Variants in NKX3-2 observed in about 807,000 individuals in gnomAD.
NKX3-2 encodes homeobox protein Nkx-3.2.
In NKX3-2, 13 loss-of-function variants were observed where a neutral mutation model predicts 19.4. That is an observed-to-expected ratio of 0.67 (90% CI 0.44 to 1.07). The LOEUF (loss-of-function observed/expected upper bound fraction) is 1.07, where lower values mean the gene tolerates loss of function less well. NKX3-2 is among the 50% of genes least tolerant of loss of function. NKX3-2 has a pLI of 0.00. For missense variants in NKX3-2, 562 were observed against 488.2 expected (o/e 1.15, Z -1.42); for synonymous variants, 269 against 230.5 (o/e 1.17, Z -1.51).
At position 13,543,976 on chromosome 4, in the gene NKX3-2, C is replaced by A. The variant is rs370578004; in HGVS notation, c.439G>T (p.Asp147Tyr). 7 of 1,555,174 alleles carry A rather than the reference C, an allele frequency of 4.5e-6. No homozygotes were observed. The highest frequency in any genetic ancestry group is 1.4e-5 in the African/African-American group (1 of 71,480). Residue 147 changes from aspartate (D) to tyrosine (Y), a missense_variant, in exon 1 of 2, where the codon GAC becomes TAC. Coordinates refer to ENST00000382438, the MANE Select transcript of NKX3-2 (RefSeq NM_001189.4). The surrounding 1 kb of genome is among the most constrained non-coding windows in gnomAD (Gnocchi z 7.1). ...GAGACGCTGGCGGACATCTCGCTGT[C>A]GCTCCGGCCCGCGGCTTCCTCCTCT... ...DLEEEAAGRSDSEMSASVSGD... is the reference protein window; with the variant it reads ...DLEEEAAGRSYSEMSASVSGD...
In NKX3-2 at chr4:13,542,522, C is replaced by T. The variant is rs762739841; in HGVS notation, c.473G>A (p.Arg158His). Reference protein sequence around the residue: ...SEMSASVSGDRSPRTEDDGVG... With the variant: ...SEMSASVSGDHSPRTEDDGVG... ...ACCGTCGTCCTCGGTCCTTGGGCTG[C>T]GGTCGCCTGCGGACCCCGGTGGGAA... The change falls in exon 2 of 2, where the codon CGC becomes CAC. Residue 158 changes from arginine to histidine, a missense_variant. Arg to His is a conservative substitution (Grantham distance 29). Coordinates refer to ENST00000382438, the MANE Select transcript of NKX3-2 (RefSeq NM_001189.4). The surrounding 1 kb of genome is among the most constrained non-coding windows in gnomAD (Gnocchi z 6.4). 1.9e-6 allele frequency: 3 copies of T among 1,596,438 alleles called. No homozygotes were observed. Among genetic ancestry groups the T allele is most frequent in the Middle Eastern group, 2.3e-4 (1 of 4,440 alleles).
In NKX3-2 at chr4:13,542,364, C is replaced by T. The variant is rs762943884; in HGVS notation, c.631G>A (p.Ala211Thr). The T allele has an allele frequency of 6.6e-7, 1 of 1,524,544 alleles. No individual in the cohort carries two copies. 94.4% of individuals were successfully genotyped at this position (1,524,544 alleles called of 1,614,324 possible). ...AAGACCTGCGCGTGGGAGAAAGCGG[C>T]CCGCGAGCGCTTCTTGCGTGGCTTG... ...APKPRKKRSR[A>T]AFSHAQVFEL... The change falls in exon 2 of 2, where the codon GCC becomes ACC. Residue 211 changes from alanine to threonine, a missense_variant. Physicochemically the swap from Ala to Thr is moderately conservative, Grantham distance 58. Transcript: ENST00000382438. The surrounding 1 kb of genome is among the most constrained non-coding windows in gnomAD (Gnocchi z 6.4).
rs1343665333 is a variant in NKX3-2, at chr4:13,544,434, G to T, written c.-20C>A. ...AGCCATCTGCGCCGCGGGCAGGAGC[G>T]GCCGGCGGGGCGGGCAGCTGGGGCG... On this transcript the variant is annotated 5_prime_UTR_variant, in exon 1 of 2. Coordinates refer to ENST00000382438, the MANE Select transcript of NKX3-2 (RefSeq NM_001189.4). 1 of 1,468,752 alleles carries T rather than the reference G, an allele frequency of 6.8e-7. No homozygotes were observed. The highest frequency in any genetic ancestry group is 9.0e-7 in the Non-Finnish European group (1 of 1,116,890). The allele number at this position is 1,468,752 out of a possible 1,614,324, so 91.0% of individuals were successfully genotyped here.
rs1718052295 is a variant in NKX3-2, at chr4:13,543,961, C to G, written c.454G>C (p.Ala152Pro). The G allele has an allele frequency of 1.9e-6, 3 of 1,548,884 alleles. No individual in the cohort carries two copies. The highest frequency in any genetic ancestry group is 3.8e-5 in the Admixed American group (2 of 52,556). Residue 152 changes from alanine (A) to proline (P), a missense_variant, in exon 1 of 2, where the codon GCC (alanine) becomes CCC (proline). Transcript: ENST00000382438. The surrounding 1 kb of genome is among the most constrained non-coding windows in gnomAD (Gnocchi z 7.1). ...AGCCGCAGCAGACCTGAGACGCTGG[C>G]GGACATCTCGCTGTCGCTCCGGCCC... ...AAGRSDSEMS[A>P]SVSGDRSPRT...
In NKX3-2 at chr4:13,543,680, G is replaced by T. The variant is rs959359041; in HGVS notation, c.466+269C>A. Among the ~76,000 whole-genome samples the T allele has an allele frequency of 2.6e-5, 4 of 152,204 alleles. No homozygotes were observed. Among genetic ancestry groups the T allele is most frequent in the African/African-American group, 9.7e-5 (4 of 41,448 alleles). ...AAAACTCCCGAACGCAAGGGGCAGC[G>T]GTTCTCCCAACCCAGTCTAATGCAC... On this transcript the variant is annotated intron_variant, in intron 1 of 1. Transcript: ENST00000382438. The surrounding 1 kb of genome is among the most constrained non-coding windows in gnomAD (Gnocchi z 7.1).
rs1376385493 is a variant in NKX3-2, at chr4:13,544,155, C to A, written c.260G>T (p.Ser87Ile). The change falls in exon 1 of 2, where the codon AGC becomes ATC. Residue 87 changes from serine (S) to isoleucine (I), a missense_variant. Coordinates refer to ENST00000382438, the MANE Select transcript of NKX3-2 (RefSeq NM_001189.4). Reference protein sequence around the residue: ...TRTAAGRTAESPEGWDSDSAL... With the variant: ...TRTAAGRTAEIPEGWDSDSAL... The stretch of plus-strand genomic sequence containing the variant: ...GGAGTCCGAGTCCCAGCCTTCCGGG[C>A]TCTCCGCAGTCCGCCCCGCAGCTGT... The A allele has an allele frequency of 2.5e-6, 4 of 1,605,698 alleles. No homozygotes were observed. The highest frequency in any genetic ancestry group is 2.5e-6 in the Non-Finnish European group (3 of 1,178,838).
chr4:13,544,502 C>A lies in NKX3-2; in HGVS notation c.-88G>T. ...GGACAGAGAGCGCCGGCGGCCGCAG[C>A]GCGAGTGAGCTGGGTGTGCGAGGCC... On this transcript the variant is annotated 5_prime_UTR_variant, in exon 1 of 2. Coordinates refer to ENST00000382438, the MANE Select transcript of NKX3-2 (RefSeq NM_001189.4). 1 of 959,134 alleles carries A rather than the reference C, an allele frequency of 1.0e-6. No individual in the cohort carries two copies. 59.4% of individuals were successfully genotyped at this position (959,134 alleles called of 1,614,324 possible).
At position 13,540,861 on chromosome 4, in the gene NKX3-2, A is replaced by C. The variant is rs985021019; in HGVS notation, c.*1132T>G. 1 of 152,272 alleles carries C rather than the reference A, an allele frequency of 6.6e-6. No individual in the cohort carries two copies. The highest frequency in any genetic ancestry group is 2.4e-5 in the African/African-American group (1 of 41,472). The allele number at this position is 152,272 out of a possible 1,614,324, so 9.4% of individuals were successfully genotyped here. The stretch of plus-strand genomic sequence containing the variant: ...TAAACTAAAAGTTTATAAATTAAAG[A>C]AAAAATACAGCGAATAGAGCTTCCA... On this transcript the variant is annotated 3_prime_UTR_variant, in exon 2 of 2. Transcript: ENST00000382438.
In NKX3-2 at chr4:13,543,911, C is replaced by A; in HGVS notation, c.466+38G>T. ...CGTGGTTGCCCTCCGCGTCCATCCC[C>A]TCAGCCCGGCCCCCATCCCCGCGAA... On this transcript the variant is annotated intron_variant, in intron 1 of 1. Coordinates refer to ENST00000382438, the MANE Select transcript of NKX3-2 (RefSeq NM_001189.4). This position sits in a 1 kb window ranked among gnomAD's most constrained non-coding sequence, Gnocchi z 7.1. 1 of 1,508,594 alleles carries A rather than the reference C, an allele frequency of 6.6e-7. No individual in the cohort carries two copies. The highest frequency in any genetic ancestry group is 1.3e-5 in the South Asian group (1 of 79,488). The allele number at this position is 1,508,594 out of a possible 1,614,324, so 93.5% of individuals were successfully genotyped here.
At position 13,544,049 on chromosome 4, in the gene NKX3-2, G is replaced by A. The variant is rs765431857; in HGVS notation, c.366C>T (p.Ser122=). Residue 122 remains serine (S), a synonymous_variant, in exon 1 of 2, where the codon TCC becomes TCT. Coordinates refer to ENST00000382438, the MANE Select transcript of NKX3-2 (RefSeq NM_001189.4). ...GASGAGLAGG[S]LSLGQPVCEL... Reference sequence around the variant, plus strand: ...CACAGACCGGCTGGCCGAGGCTCAAGGATCCCCCCGCAAGGCCGGCCCCGC... The same window carrying A: ...CACAGACCGGCTGGCCGAGGCTCAAAGATCCCCCCGCAAGGCCGGCCCCGC... 4.1e-5 allele frequency: 64 copies of A among 1,568,224 alleles called. No homozygotes were observed. Among genetic ancestry groups the A allele is most frequent in the Non-Finnish European group, 5.1e-5 (59 of 1,160,078 alleles).
chr4:13,542,456 C>T lies in NKX3-2; in HGVS notation c.539G>A (p.Gly180Glu), dbSNP rs199921924. ...RGAHVSALCS[G>E]AGGGGGSGPA... ...CCCGCTGCCGCCCCCGCCGCCGGCC[C>T]CGCTGCACAGCGCGGACACGTGTGC... The change falls in exon 2 of 2, where the codon GGG (glycine) becomes GAG (glutamate). Residue 180 changes from glycine to glutamate, a missense_variant. By Grantham distance (98) the Gly-to-Glu change is moderately conservative. Transcript: ENST00000382438. This position sits in a 1 kb window ranked among gnomAD's most constrained non-coding sequence, Gnocchi z 6.4. 5.2e-5 allele frequency: 82 copies of T among 1,590,182 alleles called. No homozygotes were observed. In the African/African-American group the frequency reaches 9.5e-4, roughly 18 times the overall value.
Position 13,542,604 on chromosome 4 carries a change from GGGTC to G in NKX3-2, c.467-80_467-77del. 6.4e-7 allele frequency: 1 copy of G among 1,554,406 alleles called. No homozygotes were observed. The highest frequency in any genetic ancestry group is 8.8e-7 in the Non-Finnish European group (1 of 1,142,046). On this transcript the variant is annotated intron_variant, in intron 1 of 1. Transcript: ENST00000382438. This position sits in a 1 kb window ranked among gnomAD's most constrained non-coding sequence, Gnocchi z 6.4. ...AGGTGAGGCCGGGCCTCAACTGCAG[GGGTC>G]ACGGGAGTGGGGCGGAAATACACTT...
Position 13,544,415 on chromosome 4 carries a change from C to G in NKX3-2, c.-1G>C. The G allele has an allele frequency of 6.6e-7, 1 of 1,517,246 alleles. No individual in the cohort carries two copies. Among genetic ancestry groups the G allele is most frequent in the East Asian group, 2.6e-5 (1 of 38,012 alleles). The allele number at this position is 1,517,246 out of a possible 1,614,324, so 94.0% of individuals were successfully genotyped here. A position where few individuals can be genotyped will look rare whatever the true frequency, so the allele number is the denominator to read the frequency against. ...AGGTGTTGGCGCCGCGCACAGCCAT[C>G]TGCGCCGCGGGCAGGAGCGGCCGGC... On this transcript the variant is annotated 5_prime_UTR_variant, in exon 1 of 2. Coordinates refer to ENST00000382438, the MANE Select transcript of NKX3-2 (RefSeq NM_001189.4).
Position 13,544,310 on chromosome 4 carries a change from C to T in NKX3-2, c.105G>A (p.Ala35=), listed in dbSNP as rs890032309. ...CCACCGATGCCGCTGTGCCCCCGGG[C>T]GCCGGGCGCCCCTCTGGCGCGGCCA... ...GGLAAPEGRP[A]PGGTAASVAA... The change falls in exon 1 of 2, where the codon GCG becomes GCA. Residue 35 remains alanine, a synonymous_variant. Coordinates refer to ENST00000382438, the MANE Select transcript of NKX3-2 (RefSeq NM_001189.4). 5 of 1,530,274 alleles carry T rather than the reference C, an allele frequency of 3.3e-6. No homozygotes were observed. Among genetic ancestry groups the T allele is most frequent in the Admixed American group, 2.1e-5 (1 of 48,472 alleles). The allele number at this position is 1,530,274 out of a possible 1,614,324, so 94.8% of individuals were successfully genotyped here.
In NKX3-2 at chr4:13,541,172, G is replaced by A. The variant is rs1560164441; in HGVS notation, c.*821C>T. ...TTGAATACAAACAACTGAAAAGTGC[G>A]ACACGTCTTAACCTCCTTTACACAA... On this transcript the variant is annotated 3_prime_UTR_variant, in exon 2 of 2. Transcript: ENST00000382438. 6.6e-6 allele frequency: 1 copy of A among 152,254 alleles called. No individual in the cohort carries two copies. Among genetic ancestry groups the A allele is most frequent in the Non-Finnish European group, 1.5e-5 (1 of 68,052 alleles). The allele number at this position is 152,254 out of a possible 1,614,324, so 9.4% of individuals were successfully genotyped here.
At position 13,543,148 on chromosome 4, in the gene NKX3-2, C is replaced by A. The variant is rs573106894; in HGVS notation, c.467-620G>T. Among the ~76,000 whole-genome samples, 1 of 152,004 alleles carries A rather than the reference C, an allele frequency of 6.6e-6. No individual in the cohort carries two copies. The highest frequency in any genetic ancestry group is 1.5e-5 in the Non-Finnish European group (1 of 67,998). ...TAAAGAGGGAGGGTTGCCCCTGCAT[C>A]GAGTTTTTGGACCCTGATCCCACAC... On this transcript the variant is annotated intron_variant, in intron 1 of 1. Transcript: ENST00000382438. This position sits in a 1 kb window ranked among gnomAD's most constrained non-coding sequence, Gnocchi z 7.1.
rs986007281 is a variant in NKX3-2, at chr4:13,542,957, G to A, written c.467-429C>T. On this transcript the variant is annotated intron_variant, in intron 1 of 1. Transcript: ENST00000382438. This position sits in a 1 kb window ranked among gnomAD's most constrained non-coding sequence, Gnocchi z 6.4. Reference sequence around the variant, plus strand: ...ACACTTAGTTCACACGCACACACGCGCGCGTCCTCGCAGCACACACTTGTC... The same window carrying A: ...ACACTTAGTTCACACGCACACACGCACGCGTCCTCGCAGCACACACTTGTC... 6.6e-6 allele frequency among the ~76,000 whole-genome samples: 1 copy of A among 151,880 alleles called. No homozygotes were observed. The highest frequency in any genetic ancestry group is 1.5e-5 in the Non-Finnish European group (1 of 67,992).
At chr4:13,547,218 T>G, upstream of NKX3-2, 1 of 456,046 alleles carries the variant, frequency 2.2e-6, no homozygotes, top group Non-Finnish European at 4.4e-6. Context: ...AGGCCCAGAG[T>G]GGCGGTGTGT....
upstream of NKX3-2, among the ~76,000 whole-genome samples, chr4:13,545,573 C>A (rs928366263): frequency 1.3e-5 from 2 of 151,300 alleles, no homozygotes; most frequent in African/African-American, 4.9e-5. Flanking sequence ...TGATTTGATT[C>A]GATTTTTATA....
Sources: allele counts gnomAD v4.1 joint callset (sites outside exome capture counted in the v4.1 genomes callset), GRCh38; gene constraint gnomAD v4.1.1; non-coding constraint Gnocchi (gnomAD v3.1); transcripts MANE v1.5; gene names NCBI Gene and HGNC (gene_info 2026-07-23, HGNC 2026-07-21).